Variants in SLC9A1 observed in about 807,000 individuals in gnomAD.
The protein encoded by SLC9A1 is solute carrier family 9 member A1, also known as sodium/hydrogen exchanger 1.
In SLC9A1, 22 loss-of-function variants were observed where a neutral mutation model predicts 67.9. That is an observed-to-expected ratio of 0.32 (90% CI 0.23 to 0.46). The LOEUF (loss-of-function observed/expected upper bound fraction) is 0.46. SLC9A1 is among the 20% of genes least tolerant of loss of function. SLC9A1 has a pLI of 1.00. For synonymous variants in SLC9A1, 421 were observed against 471.8 expected, an observed-to-expected ratio of 0.89 and a Z score of 1.40; for missense variants, 686 against 1,094.8, an observed-to-expected ratio of 0.63 and a Z score of 5.27.
chr1:27,107,984 G>A (rs1358215907), intron 3 of SLC9A1, 119 bp from the exon 4 acceptor site: 2 of 708,158 alleles, frequency 2.8e-6, no homozygotes, highest in African/African-American at 3.5e-5. Flanking sequence ...TCCTCTATGG[G>A]CCAGGGGCCC....
intron 1 of SLC9A1, among the ~76,000 whole-genome samples, chr1:27,139,458 G>C (rs929933111): frequency 6.6e-6 from 1 of 152,198 alleles, no homozygotes; most frequent in African/African-American, 2.4e-5. Context: ...CTTCGGGGCC[G>C]TCACATAGTG....
At chr1:27,107,115 A>G (rs1445745430) in intron 4 of SLC9A1, among the ~76,000 whole-genome samples, 1 of 62,436 alleles carries the variant, frequency 1.6e-5, no homozygotes, top group Admixed American at 1.9e-4. Flanking sequence ...ACACACACAC[A>G]CACCCAGGCC....
chr1:27,101,909 C>T lies in SLC9A1; in HGVS notation c.1936-83G>A, dbSNP rs2083148453. On this transcript the variant is annotated intron_variant, in intron 9 of 11. Transcript: ENST00000263980. This position sits in a 1 kb window ranked among gnomAD's most constrained non-coding sequence, Gnocchi z 4.9. ...GGTGGGGGCAGTGCTGGAGGCCGGG[C>T]CAGTCCTGGGGTGGGTGCCGAGGGG... 1 of 1,430,536 alleles carries T rather than the reference C, an allele frequency of 7.0e-7. No individual in the cohort carries two copies. 88.6% of individuals were successfully genotyped at this position (1,430,536 alleles called of 1,614,324 possible). A position where few individuals can be genotyped will look rare whatever the true frequency, so the allele number is the denominator to read the frequency against.
chr1:27,147,107 A>G (rs2083491209), intron 1 of SLC9A1, among the ~76,000 whole-genome samples: 2 of 144,912 alleles, frequency 1.4e-5, no homozygotes. Flanking sequence ...CCCTGTCTCT[A>G]CTAAAAACAA....
At chr1:27,134,636 C>T (rs2083406829) in intron 1 of SLC9A1, among the ~76,000 whole-genome samples, 1 of 152,178 alleles carries the variant, frequency 6.6e-6, no homozygotes, top group Non-Finnish European at 1.5e-5. Context: ...GGGTCCATCC[C>T]AGACTCTCCC....
chr1:27,128,998 G>C (rs962446973), intron 1 of SLC9A1, among the ~76,000 whole-genome samples: 11 of 152,136 alleles, frequency 7.2e-5, no homozygotes, highest in African/African-American at 2.7e-4. Context: ...ATGCACGCAC[G>C]CACGCATGCC....
At chr1:27,139,661 G>A (rs984018398) in intron 1 of SLC9A1, among the ~76,000 whole-genome samples, 2 of 152,184 alleles carry the variant, frequency 1.3e-5, no homozygotes, top group Non-Finnish European at 2.9e-5. Context: ...TTGGGGGTGA[G>A]GTGGAAGGGT....
intron 1 of SLC9A1, among the ~76,000 whole-genome samples, chr1:27,136,372 C>A (rs542293274): frequency 9.1e-4 from 138 of 152,336 alleles, no homozygotes; most frequent in African/African-American, 3.0e-3. Flanking sequence ...TCCTAACTAG[C>A]CCTGGCCCAC....
intron 1 of SLC9A1, among the ~76,000 whole-genome samples, chr1:27,142,623 G>A (rs939445842): frequency 4.6e-5 from 7 of 152,176 alleles, no homozygotes; most frequent in East Asian, 1.9e-4. Flanking sequence ...GGCCCTAGCC[G>A]CTTTAGGGAA....
chr1:27,154,269 C>A lies in SLC9A1; in HGVS notation c.66G>T (p.Val22=). ...CAGGCAGCAGCCCCACCAAAGCAAC[C>A]ACCACGAGTAAGGAAGGGAAGATCC... is the stretch of plus-strand genomic sequence containing the variant. ...PHRIFPSLLV[V]VALVGLLPVL... is the part of the protein sequence containing the mutation. Residue 22 remains valine (V), a synonymous_variant, in exon 1 of 12, where the codon GTG becomes GTT. Transcript: ENST00000263980. The A allele has an allele frequency of 6.2e-7, 1 of 1,613,152 alleles. No homozygotes were observed. Among genetic ancestry groups the A allele is most frequent in the Non-Finnish European group, 8.5e-7 (1 of 1,179,528 alleles).
At position 27,101,190 on chromosome 1, in the gene SLC9A1, G is replaced by T; in HGVS notation, c.2110+13C>A. 2 of 1,605,636 alleles carry T rather than the reference G, an allele frequency of 1.2e-6. No homozygotes were observed. Among genetic ancestry groups the T allele is most frequent in the Non-Finnish European group, 8.5e-7 (1 of 1,177,776 alleles). ...AGAGTGCCCAGTCCTGAGGCCCCTC[G>T]CCAGGCCCTTACCTGAGCCGATGCG... is the stretch of plus-strand genomic sequence containing the variant. On this transcript the variant is annotated intron_variant, in intron 11 of 11. Coordinates refer to ENST00000263980, the MANE Select transcript of SLC9A1 (RefSeq NM_003047.5). This position sits in a 1 kb window ranked among gnomAD's most constrained non-coding sequence, Gnocchi z 4.9.
At chr1:27,135,556 A>G (rs966597513) in intron 1 of SLC9A1, among the ~76,000 whole-genome samples, 1 of 146,404 alleles carries the variant, frequency 6.8e-6, no homozygotes, top group African/African-American at 2.5e-5. Flanking sequence ...ATCTGGAGGG[A>G]AAATGTTCTG....
intron 1 of SLC9A1, among the ~76,000 whole-genome samples, chr1:27,153,426 T>C (rs557360635): frequency 6.6e-6 from 1 of 152,266 alleles, no homozygotes; most frequent in East Asian, 1.9e-4. Context: ...ATTCTGGAGA[T>C]GAAGGAAAGG....
Position 27,114,213 on chromosome 1 carries a change from C to T in SLC9A1, c.426G>A (p.Val142=), listed in dbSNP as rs972362776. The T allele has an allele frequency of 1.9e-6, 3 of 1,614,024 alleles. No individual in the cohort carries two copies. The highest frequency in any genetic ancestry group is 2.7e-5 in the African/African-American group (2 of 74,942). Residue 142 remains valine (V), a synonymous_variant, in exon 2 of 12, where the codon GTG becomes GTA. Coordinates refer to ENST00000263980, the MANE Select transcript of SLC9A1 (RefSeq NM_003047.5). The surrounding 1 kb of genome is among the most constrained non-coding windows in gnomAD (Gnocchi z 5.4). ...SCLLIVVGLL[V]GGLIKGVGET... is the part of the protein sequence containing the mutation. ...CGCCTACACCCTTGATCAGGCCCCC[C>T]ACCAGCAGCCCCACCACGATCAGCA...
intron 1 of SLC9A1, among the ~76,000 whole-genome samples, chr1:27,117,958 C>G (rs1461253755): frequency 6.6e-6 from 1 of 152,154 alleles, no homozygotes; most frequent in African/African-American, 2.4e-5. Context: ...GCTATTCCAG[C>G]CCTTGGAGCT....
intron 1 of SLC9A1, among the ~76,000 whole-genome samples, chr1:27,147,299 C>CAAAAAA (rs57583944): frequency 0.01 from 426 of 41,896 alleles, 4 homozygotes; most frequent in East Asian, 0.016. Flanking sequence ...GACTCTGTCT[C>CAAAAAA]AAAAAAAAAA....
intron 3 of SLC9A1, among the ~76,000 whole-genome samples, chr1:27,108,106 A>C (rs1384855118): frequency 1.5e-5 from 2 of 131,286 alleles, no homozygotes; most frequent in African/African-American, 5.9e-5. Context: ...TCACTCTGTC[A>C]CCCAGGCTGG....
rs542530443 is a variant in SLC9A1, at chr1:27,137,047, G to A, written c.352+16936C>T. Among the ~76,000 whole-genome samples, 45 of 152,218 alleles carry A rather than the reference G, an allele frequency of 3.0e-4. No individual in the cohort carries two copies. Among genetic ancestry groups the A allele is most frequent in the Non-Finnish European group, 5.3e-4 (36 of 68,028 alleles). The stretch of plus-strand genomic sequence containing the variant: ...CAGATGGAGCCCCATCTGCCCCCAG[G>A]GCCCACCTGCAACGTGCTGTGTCCC... On this transcript the variant is annotated intron_variant, in intron 1 of 11. Coordinates refer to ENST00000263980, the MANE Select transcript of SLC9A1 (RefSeq NM_003047.5). The surrounding 1 kb of genome is among the most constrained non-coding windows in gnomAD (Gnocchi z 4.6).
chr1:27,106,125 G>A lies in SLC9A1; in HGVS notation c.1283-38C>T. On this transcript the variant is annotated intron_variant, in intron 4 of 11. Coordinates refer to ENST00000263980, the MANE Select transcript of SLC9A1 (RefSeq NM_003047.5). This position sits in a 1 kb window ranked among gnomAD's most constrained non-coding sequence, Gnocchi z 4.3. ...GCAGGGGGTGATGAGGGTCAGGTCG[G>A]GCTGTCCCCAGTCCCTCCTGGATTC... 7.1e-7 allele frequency: 1 copy of A among 1,407,212 alleles called. No homozygotes were observed. The highest frequency in any genetic ancestry group is 1.2e-5 in the South Asian group (1 of 85,220). The allele number at this position is 1,407,212 out of a possible 1,614,324, so 87.2% of individuals were successfully genotyped here.
Sources: allele counts gnomAD v4.1 joint callset (sites outside exome capture counted in the v4.1 genomes callset), GRCh38; gene constraint gnomAD v4.1.1; non-coding constraint Gnocchi (gnomAD v3.1); transcripts MANE v1.5; gene names NCBI Gene and HGNC (gene_info 2026-07-23, HGNC 2026-07-21).